Variants in CECR2 observed in about 807,000 individuals in gnomAD.
The protein encoded by CECR2 is chromatin remodeling regulator CECR2.
CECR2 carries 30 observed loss-of-function variants against 154.5 expected under a neutral mutation model. That is an observed-to-expected ratio of 0.19 (90% CI 0.15 to 0.26). The LOEUF (loss-of-function observed/expected upper bound fraction) is 0.26. CECR2 is among the 10% of genes least tolerant of loss of function. The probability of loss-of-function intolerance (pLI) is 1.00; values close to 1 mark genes in which losing one functional copy is unlikely to be tolerated. For synonymous variants in CECR2, 725 were observed against 683.7 expected (o/e 1.06, Z -0.94); for missense variants, 1,743 against 1,829.3 (o/e 0.95, Z 0.86).
intron 1 of CECR2, among the ~76,000 whole-genome samples, chr22:17,387,308 A>G (rs1018966470): frequency 1.3e-5 from 2 of 152,136 alleles, no homozygotes; most frequent in African/African-American, 2.4e-5. Context: ...TTGGCCAGTA[A>G]TCTATAACAC....
intron 1 of CECR2, among the ~76,000 whole-genome samples, chr22:17,405,798 TGTC>T (rs2053975788): frequency 6.6e-6 from 1 of 152,170 alleles, no homozygotes; most frequent in Non-Finnish European, 1.5e-5. Context: ...ATGATCATGT[TGTC>T]TGTAAATAAA....
intron 1 of CECR2, among the ~76,000 whole-genome samples, chr22:17,463,647 A>C (rs2522285): frequency 0.28 from 41,799 of 151,960 alleles, 6,699 homozygotes; most frequent in African/African-American, 0.45. Flanking sequence ...GGTGAGATCC[A>C]AAGCTCGGTT....
chr22:17,427,193 C>T (rs6518473), intron 1 of CECR2, among the ~76,000 whole-genome samples: 83,806 of 151,842 alleles, frequency 0.55, 24,309 homozygotes, highest in African/African-American at 0.75. Context: ...CATGAACTCA[C>T]CCTTTTTTTA....
At chr22:17,449,986 C>T (rs2054742957) in intron 1 of CECR2, among the ~76,000 whole-genome samples, 1 of 152,198 alleles carries the variant, frequency 6.6e-6, no homozygotes, top group South Asian at 2.1e-4. Context: ...GGATCTTGTC[C>T]AGGCTGCAGC....
intron 1 of CECR2, among the ~76,000 whole-genome samples, chr22:17,457,492 C>A (rs561445370): frequency 6.6e-6 from 1 of 152,116 alleles, no homozygotes; most frequent in Non-Finnish European, 1.5e-5. Context: ...TGAGCTATAG[C>A]CTATTTCTTG....
At chr22:17,387,207 TCTCATTTCTCCAC>T (rs2063273628) in intron 1 of CECR2, among the ~76,000 whole-genome samples, 2 of 152,200 alleles carry the variant, frequency 1.3e-5, no homozygotes, top group Admixed American at 1.3e-4. Flanking sequence ...CCTTCTTTTG[TCTCATTTCTCCAC>T]TGGTTCTACA....
At chr22:17,446,239 T>TGG (rs1310825536) in intron 1 of CECR2, among the ~76,000 whole-genome samples, 1 of 152,158 alleles carries the variant, frequency 6.6e-6, no homozygotes, top group Non-Finnish European at 1.5e-5. Flanking sequence ...AGTCAGGTGT[T>TGG]GCGGCACATG....
intron 1 of CECR2, among the ~76,000 whole-genome samples, chr22:17,380,287 T>TAATTCTCTCATG (rs1354469254): frequency 6.6e-6 from 1 of 152,230 alleles, no homozygotes; most frequent in Non-Finnish European, 1.5e-5. Flanking sequence ...GTGTTCTTTT[T>TAATTCTCTCATG]TGTACTTCGT....
intron 3 of CECR2, among the ~76,000 whole-genome samples, chr22:17,498,259 C>T (rs2055668095): frequency 6.6e-6 from 1 of 152,204 alleles, no homozygotes; most frequent in South Asian, 2.1e-4. Flanking sequence ...GGCGTGGTGG[C>T]AGGCGCCTGT....
chr22:17,407,088 T>G (rs2053995598), intron 1 of CECR2, among the ~76,000 whole-genome samples: 1 of 152,236 alleles, frequency 6.6e-6, no homozygotes, highest in South Asian at 2.1e-4. Flanking sequence ...AGCCGTGTTC[T>G]TGAAGTTTAA....
chr22:17,391,553 C>T (rs748650087), intron 1 of CECR2, among the ~76,000 whole-genome samples: 5 of 152,090 alleles, frequency 3.3e-5, no homozygotes, highest in Non-Finnish European at 7.4e-5. Context: ...TGGTGAGGTT[C>T]GAATGAGCCA....
chr22:17,387,268 C>T (rs986583824), intron 1 of CECR2, among the ~76,000 whole-genome samples: 17 of 152,222 alleles, frequency 1.1e-4, no homozygotes, highest in African/African-American at 3.9e-4. Flanking sequence ...GTACCTGCCC[C>T]TCCTTGCCCT....
intron 1 of CECR2, among the ~76,000 whole-genome samples, chr22:17,429,204 C>T (rs570225255): frequency 3.0e-4 from 46 of 151,924 alleles, no homozygotes; most frequent in African/African-American, 1.0e-3. Flanking sequence ...GAGAGAAATG[C>T]ACAGTGATTG....
At position 17,542,330 on chromosome 22, in the gene CECR2, C is replaced by T. The variant is rs1471932703; in HGVS notation, c.2187C>T (p.Phe729=). The change falls in exon 16 of 19, where the codon TTC becomes TTT. Residue 729 remains phenylalanine, a synonymous_variant. Coordinates refer to ENST00000262608, the MANE Select transcript of CECR2 (RefSeq NM_001290047.2). The stretch of plus-strand genomic sequence containing the variant: ...GAAGCATGTATGCTCCAGCTCAGTT[C>T]CAGCCAGGATTCATTCCTCCCCGGC... ...QDGSMYAPAQ[F]QPGFIPPRHG... The T allele has an allele frequency of 3.1e-6, 5 of 1,613,392 alleles. No homozygotes were observed. In the South Asian group the frequency reaches 5.5e-5, roughly 18 times the overall value.
chr22:17,542,889 T>A lies in CECR2; in HGVS notation c.2746T>A (p.Phe916Ile), dbSNP rs1335032436. The A allele has an allele frequency of 1.2e-6, 2 of 1,613,878 alleles. No homozygotes were observed. Among genetic ancestry groups the A allele is most frequent in the South Asian group, 2.2e-5 (2 of 91,076 alleles). ...TGCACACCCCCGTTTACCTGGCCCT[T>A]TTCCGCAGGTAGCTCACCCAATGTC... ...QPAHPRLPGP[F>I]PQVAHPMSVT... is the part of the protein sequence containing the mutation. Residue 916 changes from phenylalanine (F) to isoleucine (I), a missense_variant, in exon 16 of 19, where the codon TTT becomes ATT. Physicochemically the swap from Phe to Ile is conservative, Grantham distance 21 (BLOSUM62 0). This residue lies in a region of CECR2 where 1,250 missense variants were observed against 1,192.1 expected (regional missense o/e 1.05). Transcript: ENST00000262608.
In CECR2 at chr22:17,436,785, G is replaced by A. The variant is rs146572151; in HGVS notation, c.127-40803G>A. On this transcript the variant is annotated intron_variant, in intron 1 of 18. Transcript: ENST00000262608. ...AAGGTAAGTGTTGAGCCCCAGATGT[G>A]AACTCCTATTTTTGTTTCAGGGTAA... is the stretch of plus-strand genomic sequence containing the variant. Among the ~76,000 whole-genome samples, 18 of 152,336 alleles carry A rather than the reference G, an allele frequency of 1.2e-4. 1 individual carries two copies. The East Asian group carries it at 3.5e-3, about 29-fold the overall frequency.
chr22:17,391,701 TTGAA>T (rs1406463393), intron 1 of CECR2, among the ~76,000 whole-genome samples: 1 of 152,246 alleles, frequency 6.6e-6, no homozygotes, highest in African/African-American at 2.4e-5. Context: ...GACAAATAAA[TTGAA>T]TGATCACATA....
rs1230985941 is a variant in CECR2, at chr22:17,543,019, A to T, written c.2860+16A>T. 3.2e-6 allele frequency: 5 copies of T among 1,580,496 alleles called. No individual in the cohort carries two copies. Among genetic ancestry groups the T allele is most frequent in the African/African-American group, 1.3e-5 (1 of 74,136 alleles). ...AATGACCAAGGTAATTTACACTGTC[A>T]CTTTGGGCTCTTTAAGCTCTTGTTT... On this transcript the variant is annotated intron_variant, in intron 16 of 18. Transcript: ENST00000262608.
intron 1 of CECR2, among the ~76,000 whole-genome samples, chr22:17,404,620 G>A (rs1377442476): frequency 7.6e-5 from 10 of 130,780 alleles, no homozygotes; most frequent in South Asian, 2.2e-4. Context: ...TGATCCACCC[G>A]CCTCGGCCTC....
Sources: gnomAD v4.1 joint callset for allele counts (sites outside exome capture counted in the v4.1 genomes callset) on GRCh38, gnomAD v4.1.1 for gene constraint, gnomAD v4.1.1 regional missense constraint, MANE v1.5 for transcripts, NCBI Gene and HGNC (gene_info 2026-07-23, HGNC 2026-07-21) for gene names.